KIAA0586: variants seen among roughly 807,000 people sequenced by gnomAD.
KIAA0586 encodes the protein protein TALPID3.
In KIAA0586, 144 loss-of-function variants were observed where a neutral mutation model predicts 169.8. The observed-to-expected ratio is 0.85, with a 90% CI of 0.74 to 0.97. KIAA0586 has a LOEUF of 0.97. KIAA0586 is among the 50% of genes least tolerant of loss of function. The probability of loss-of-function intolerance (pLI) is 0.00; values close to 1 mark genes in which losing one functional copy is unlikely to be tolerated. For missense variants in KIAA0586, 1,854 were observed against 1,823.0 expected, an observed-to-expected ratio of 1.02 and a Z score of -0.31; for synonymous variants, 625 against 612.4, an observed-to-expected ratio of 1.02 and a Z score of -0.30.
rs563467903 is a variant in KIAA0586, at chr14:58,487,013, G to C, written c.3151G>C (p.Val1051Leu). The change falls in exon 22 of 31, where the codon GTG becomes CTG. Residue 1051 changes from valine to leucine, a missense_variant. Coordinates refer to ENST00000652326, the MANE Select transcript of KIAA0586 (RefSeq NM_001329943.3). ...STNETYLPARVCTPLPTPQPT... is the reference protein window; with the variant it reads ...STNETYLPARLCTPLPTPQPT... Reference sequence around the variant, plus strand: ...CTTGTTTTATTTATTTTAGGCAAGAGTGTGCACCCCACTGCCTACCCCACA... The same window carrying C: ...CTTGTTTTATTTATTTTAGGCAAGACTGTGCACCCCACTGCCTACCCCACA... 12 of 1,601,844 alleles carry C rather than the reference G, an allele frequency of 7.5e-6. No homozygotes were observed. In the East Asian group the frequency reaches 2.5e-4, roughly 33 times the overall value.
intron 13 of KIAA0586, 32 bp downstream of exon 13, chr14:58,460,102 T>A: frequency 8.1e-7 from 1 of 1,229,626 alleles, no homozygotes; most frequent in Non-Finnish European, 1.1e-6. Context: ...TTAACATAAT[T>A]GTTGTGTTAT....
intron 29 of KIAA0586, among the ~76,000 whole-genome samples, chr14:58,517,022 C>T (rs1369899934): frequency 6.6e-6 from 1 of 152,010 alleles, no homozygotes; most frequent in Non-Finnish European, 1.5e-5. Context: ...AAATGTAAAG[C>T]CTAAAACTAC....
chr14:58,467,268 G>A (rs1034645687), intron 15 of KIAA0586, among the ~76,000 whole-genome samples: 1 of 152,052 alleles, frequency 6.6e-6, no homozygotes, highest in Non-Finnish European at 1.5e-5. Context: ...AAATTGTATA[G>A]CTAAGAAAAC....
chr14:58,435,677 C>T (rs1392542399), intron 4 of KIAA0586, among the ~76,000 whole-genome samples: 1 of 152,052 alleles, frequency 6.6e-6, no homozygotes, highest in African/African-American at 2.4e-5. Context: ...ACATAATACC[C>T]ACAAACTTCT....
intron 4 of KIAA0586, among the ~76,000 whole-genome samples, chr14:58,437,166 T>G (rs2037899336): frequency 1.3e-5 from 2 of 152,110 alleles, no homozygotes; most frequent in Admixed American, 1.3e-4. Context: ...GGAATCATGC[T>G]CAGTTGGAGA....
At chr14:58,456,979 A>G (rs991910122) in intron 10 of KIAA0586, among the ~76,000 whole-genome samples, 169 bp downstream of exon 10, 2 of 152,216 alleles carry the variant, frequency 1.3e-5, no homozygotes, top group Non-Finnish European at 2.9e-5. Flanking sequence ...GCCTTCACCA[A>G]GTGATTTCTA....
At chr14:58,440,481 G>A (rs529923203) in intron 4 of KIAA0586, among the ~76,000 whole-genome samples, 60 of 152,212 alleles carry the variant, frequency 3.9e-4, no homozygotes, top group South Asian at 1.0e-3. Flanking sequence ...ACAGGCTCCC[G>A]CCATCACGCC....
intron 20 of KIAA0586, 21 bp from the exon 21 acceptor site, chr14:58,482,492 A>ATTTT: frequency 8.8e-7 from 1 of 1,134,440 alleles, no homozygotes; most frequent in Non-Finnish European, 1.2e-6. Context: ...ACTTATTCTG[A>ATTTT]TTTTTTTTTT....
chr14:58,445,468 CTG>C (rs1338308512), intron 6 of KIAA0586, among the ~76,000 whole-genome samples: 1 of 146,790 alleles, frequency 6.8e-6, no homozygotes, highest in African/African-American at 2.5e-5. Context: ...GAGTCTAACT[CTG>C]TTGCCCAGGC....
intron 30 of KIAA0586, among the ~76,000 whole-genome samples, chr14:58,540,356 G>A (rs902706648): frequency 4.6e-5 from 7 of 152,308 alleles, no homozygotes; most frequent in South Asian, 2.1e-4. Context: ...GCTTTGGAAA[G>A]TTTATAAAAT....
At position 58,530,371 on chromosome 14, in the gene KIAA0586, C is replaced by A. The variant is rs140015036; in HGVS notation, c.4430-9700C>A. ...AATTTCATATGGAACCTAAAAAGAG[C>A]CCATATAGCCAAGACAGTCCTAAGC... On this transcript the variant is annotated intron_variant, in intron 29 of 30. Coordinates refer to ENST00000652326, the MANE Select transcript of KIAA0586 (RefSeq NM_001329943.3). Among the ~76,000 whole-genome samples the A allele has an allele frequency of 1.9e-3, 293 of 152,298 alleles. 1 individual carries two copies. Among genetic ancestry groups the A allele is most frequent in the Middle Eastern group, 6.8e-3 (2 of 294 alleles).
chr14:58,443,462 G>C (rs912722265), intron 5 of KIAA0586, among the ~76,000 whole-genome samples: 4 of 152,326 alleles, frequency 2.6e-5, no homozygotes, highest in Middle Eastern at 3.4e-3. Flanking sequence ...TCACTCTGTT[G>C]CCCAGGCTGA....
At chr14:58,502,232 TTCA>T (rs2043622427) in intron 27 of KIAA0586, among the ~76,000 whole-genome samples, 1 of 151,944 alleles carries the variant, frequency 6.6e-6, no homozygotes, top group Non-Finnish European at 1.5e-5. Flanking sequence ...GCCTCCTGGG[TTCA>T]AGTGATTCTC....
chr14:58,484,990 A>C (rs1357702045), intron 21 of KIAA0586, among the ~76,000 whole-genome samples: 1 of 116,144 alleles, frequency 8.6e-6, no homozygotes. Flanking sequence ...GCTGGAGTGC[A>C]GTGGCGTGAT....
At chr14:58,493,775 C>T (rs2042973898) in intron 26 of KIAA0586, among the ~76,000 whole-genome samples, 1 of 152,038 alleles carries the variant, frequency 6.6e-6, no homozygotes, top group African/African-American at 2.4e-5. Flanking sequence ...AACATACTCT[C>T]ATAGCTGCAG....
intron 29 of KIAA0586, among the ~76,000 whole-genome samples, chr14:58,518,156 T>C (rs2044899629): frequency 6.6e-6 from 1 of 152,230 alleles, no homozygotes; most frequent in South Asian, 2.1e-4. Context: ...TTGCTTATTA[T>C]GAATTTTCTT....
chr14:58,428,989 C>A (rs1009659208), intron 1 of KIAA0586, among the ~76,000 whole-genome samples: 1 of 152,132 alleles, frequency 6.6e-6, no homozygotes, highest in African/African-American at 2.4e-5. Flanking sequence ...CAGCAAAACG[C>A]TTTTGTAATG....
chr14:58,538,607 A>G (rs1016393420), intron 29 of KIAA0586, among the ~76,000 whole-genome samples: 7 of 152,060 alleles, frequency 4.6e-5, no homozygotes, highest in African/African-American at 9.7e-5. Context: ...AAAATGTGCA[A>G]TTAAATTATT....
At chr14:58,530,940 C>T (rs2045917841) in intron 29 of KIAA0586, among the ~76,000 whole-genome samples, 2 of 152,050 alleles carry the variant, frequency 1.3e-5, no homozygotes, top group African/African-American at 2.4e-5. Context: ...GCAATCTATC[C>T]ATCTGACAAA....
Sources: allele counts gnomAD v4.1 joint callset (sites outside exome capture counted in the v4.1 genomes callset), GRCh38; gene constraint gnomAD v4.1.1; transcripts MANE v1.5; gene names NCBI Gene and HGNC (gene_info 2026-07-23, HGNC 2026-07-21).